The following ZNF451 variants were observed in gnomAD, a reference collection of about 807,000 sequenced individuals.
ZNF451 encodes E3 SUMO-protein ligase ZNF451.
In ZNF451, 80 loss-of-function variants were observed where a neutral mutation model predicts 107.1. The observed-to-expected ratio is 0.75, with a 90% confidence interval of 0.62 to 0.90. ZNF451 has a LOEUF of 0.90. Ranked by LOEUF, ZNF451 falls within the 40% of genes least tolerant of loss-of-function variation. ZNF451 has a pLI of 0.00. For synonymous variants in ZNF451, 362 were observed against 406.5 expected (o/e 0.89, Z 1.32); for missense variants, 1,107 against 1,236.2 (o/e 0.90, Z 1.57).
chr6:57,101,417 A>G (rs986026433), intron 3 of ZNF451: 11 of 1,550,550 alleles, frequency 7.1e-6, no homozygotes, highest in East Asian at 2.4e-5. Flanking sequence ...GTGGCCAAGG[A>G]CACCTCTCCT....
chr6:57,122,531 G>A (rs1186521886), intron 3 of ZNF451, among the ~76,000 whole-genome samples: 1 of 151,880 alleles, frequency 6.6e-6, no homozygotes, highest in Non-Finnish European at 1.5e-5. Context: ...AATCAACAAG[G>A]AAAAAAACCA....
intron 3 of ZNF451, chr6:57,101,860 A>G: frequency 3.2e-6 from 5 of 1,550,588 alleles, no homozygotes; most frequent in Middle Eastern, 1.7e-4. Flanking sequence ...CTTTGATGGT[A>G]CTTCCCTTTT....
intron 3 of ZNF451, among the ~76,000 whole-genome samples, chr6:57,111,433 T>G (rs1370207974): frequency 6.6e-6 from 1 of 151,386 alleles, no homozygotes; most frequent in African/African-American, 2.4e-5. Context: ...GAGGCTAGAG[T>G]GCAGTGGTGC....
chr6:57,143,426 C>A (rs1339709465), intron 9 of ZNF451, among the ~76,000 whole-genome samples: 2 of 152,068 alleles, frequency 1.3e-5, no homozygotes, highest in African/African-American at 4.8e-5. Context: ...CTGTTGTTTG[C>A]CCATTTTCTA....
intron 7 of ZNF451, among the ~76,000 whole-genome samples, chr6:57,137,727 A>G (rs1427145782): frequency 6.6e-6 from 1 of 152,172 alleles, no homozygotes; most frequent in South Asian, 2.1e-4. Flanking sequence ...GGGCTACTGT[A>G]TCATCTAAGG....
intron 3 of ZNF451, among the ~76,000 whole-genome samples, chr6:57,111,978 T>A (rs1345720417): frequency 6.6e-6 from 1 of 152,222 alleles, no homozygotes; most frequent in African/African-American, 2.4e-5. Flanking sequence ...GGAAGGAGAT[T>A]GCTTTGTAAA....
At chr6:57,106,564 C>G in intron 3 of ZNF451, 1 of 976,642 alleles carries the variant, frequency 1.0e-6, no homozygotes, top group Non-Finnish European at 1.2e-6. Flanking sequence ...CCTTGGCCTC[C>G]CAAAGTGCTG....
intron 3 of ZNF451, chr6:57,101,733 G>A: frequency 7.1e-6 from 11 of 1,550,492 alleles, no homozygotes; most frequent in Non-Finnish European, 8.7e-6. Flanking sequence ...GTACTACTAG[G>A]GACATAATGG....
intron 3 of ZNF451, among the ~76,000 whole-genome samples, chr6:57,117,809 A>G (rs9396260): frequency 0.12 from 17,819 of 152,204 alleles, 1,278 homozygotes; most frequent in African/African-American, 0.19. Flanking sequence ...CTGAATGACT[A>G]TAACTTCAAA....
chr6:57,096,938 A>T (rs998284247), intron 2 of ZNF451, among the ~76,000 whole-genome samples: 1 of 150,376 alleles, frequency 6.6e-6, no homozygotes. Context: ...ACTACACCCT[A>T]TTCCTATTTT....
rs1233679294 is a variant in ZNF451, at chr6:57,147,646, C to T, written c.1561C>T (p.His521Tyr). The change falls in exon 10 of 15, where the codon CAC (histidine) becomes TAC (tyrosine). Residue 521 changes from histidine to tyrosine, a missense_variant. His to Tyr is a moderately conservative substitution (Grantham distance 83). This residue lies in a region of ZNF451 where 608 missense variants were observed against 649.2 expected (regional missense o/e 0.94). Coordinates refer to ENST00000370706, the MANE Select transcript of ZNF451 (RefSeq NM_001031623.3). Reference sequence around the variant, plus strand: ...CATTCGTTTACACATGAGCCGGATTCACGGAGGGGCACATTTAAATAACTT... The same window carrying T: ...CATTCGTTTACACATGAGCCGGATTTACGGAGGGGCACATTTAAATAACTT... The part of the protein sequence containing the change: ...GVIRLHMSRI[H>Y]GGAHLNNFLF... The T allele has an allele frequency of 6.2e-7, 1 of 1,614,088 alleles. No individual in the cohort carries two copies. The highest frequency in any genetic ancestry group is 1.7e-5 in the Admixed American group (1 of 60,006).
chr6:57,102,349 G>T, intron 3 of ZNF451: 1 of 1,142,618 alleles, frequency 8.8e-7, no homozygotes, highest in East Asian at 4.4e-5. Context: ...CTTTATTTCT[G>T]GTCCAAAAAT....
At chr6:57,112,716 A>G (rs1462879297) in intron 3 of ZNF451, among the ~76,000 whole-genome samples, 1 of 152,102 alleles carries the variant, frequency 6.6e-6, no homozygotes, top group African/African-American at 2.4e-5. Flanking sequence ...AGGTTATATC[A>G]CCGTGTGTGG....
intron 13 of ZNF451, chr6:57,159,237 C>T (rs1763561712): frequency 1.0e-6 from 1 of 985,208 alleles, no homozygotes; most frequent in African/African-American, 1.7e-5. Flanking sequence ...ATTTGCAACC[C>T]CATGTCAAGT....
intron 3 of ZNF451, chr6:57,106,698 C>G: frequency 1.0e-6 from 1 of 981,140 alleles, no homozygotes; most frequent in Non-Finnish European, 1.2e-6. Flanking sequence ...ATCTATCATT[C>G]TGTATTTAAT....
chr6:57,147,591 C>A lies in ZNF451; in HGVS notation c.1506C>A (p.Val502=), dbSNP rs540970085. 6.2e-7 allele frequency: 1 copy of A among 1,613,886 alleles called. No individual in the cohort carries two copies. Among genetic ancestry groups the A allele is most frequent in the Non-Finnish European group, 8.5e-7 (1 of 1,179,978 alleles). The change falls in exon 10 of 15, where the codon GTC becomes GTA. Residue 502 remains valine (V), a synonymous_variant. Transcript: ENST00000370706. ...ACACAATGGGTTATAAATGTGTGGTCTGTGGAAAGGTATGTGATGATTCAG... is the reference window on the plus strand; with the variant it reads ...ACACAATGGGTTATAAATGTGTGGTATGTGGAAAGGTATGTGATGATTCAG... ...SANTMGYKCV[V]CGKVCDDSGV...
intron 3 of ZNF451, chr6:57,106,696 T>G (rs1829880810): frequency 3.0e-6 from 3 of 985,052 alleles, no homozygotes; most frequent in South Asian, 4.7e-5. Flanking sequence ...GAATCTATCA[T>G]TCTGTATTTA....
At chr6:57,101,588 A>G in intron 3 of ZNF451, 1 of 1,550,920 alleles carries the variant, frequency 6.4e-7, no homozygotes. Context: ...GCTGCTAGCT[A>G]CATGGCCTAT....
chr6:57,138,916 A>AT (rs1448271332), intron 7 of ZNF451, among the ~76,000 whole-genome samples: 1 of 150,086 alleles, frequency 6.7e-6, no homozygotes, highest in African/African-American at 2.5e-5. Context: ...AGTATGCCAT[A>AT]TTTTTGTAAT....
Sources: allele counts gnomAD v4.1 joint callset (sites outside exome capture counted in the v4.1 genomes callset), GRCh38; gene constraint gnomAD v4.1.1; regional missense constraint gnomAD v4.1.1; transcripts MANE v1.5; gene names NCBI Gene and HGNC (gene_info 2026-07-23, HGNC 2026-07-21).